The following ACADVL variants were observed in gnomAD, a reference collection of about 807,000 sequenced individuals.
ACADVL encodes the protein very long-chain acyl-CoA dehydrogenase, mitochondrial.
In ACADVL, 73 loss-of-function variants were observed where a neutral mutation model predicts 80.4. The ratio of observed to expected loss-of-function variants is 0.91; its 90% CI spans 0.75 to 1.10. The LOEUF (loss-of-function observed/expected upper bound fraction) is 1.10. Among genes scored for constraint, ACADVL ranks in the 50% least tolerant of loss-of-function variants. The probability of loss-of-function intolerance (pLI) is 0.00; values close to 1 mark genes in which losing one functional copy is unlikely to be tolerated. For missense variants in ACADVL, 878 were observed against 858.9 expected (o/e 1.02, Z -0.28); for synonymous variants, 392 against 326.5 (o/e 1.20, Z -2.16).
chr17:7,220,433 C>T (rs755889997), intron 2 of ACADVL, 31 bp from the exon 3 acceptor site: 2 of 1,613,810 alleles, frequency 1.2e-6, no homozygotes, highest in Non-Finnish European at 1.7e-6. Context: ...GAAGTCCCTT[C>T]CCTGAACTTG....
intron 6 of ACADVL, 96 bp downstream of exon 6, chr17:7,221,154 C>T: frequency 1.3e-6 from 2 of 1,589,596 alleles, no homozygotes; most frequent in South Asian, 1.1e-5. Flanking sequence ...GCTAAGGTCT[C>T]TTCTAAGCAC....
intron 2 of ACADVL, 111 bp downstream of exon 2, chr17:7,220,308 G>C: frequency 6.6e-7 from 1 of 1,504,694 alleles, no homozygotes; most frequent in Non-Finnish European, 9.0e-7. Context: ...CTGCTCAGTC[G>C]CCGAAAGTAG....
chr17:7,219,953 C>T lies in ACADVL; in HGVS notation c.-32C>T. On this transcript the variant is annotated 5_prime_UTR_variant, in exon 1 of 20. Coordinates refer to ENST00000356839, the MANE Select transcript of ACADVL (RefSeq NM_000018.4). Reference sequence around the variant, plus strand: ...GCAGGACGCCAGAGCTGGGTCAGAGCTCGAGCCAGCGGCGCCCGGAGAGAT... The same window carrying T: ...GCAGGACGCCAGAGCTGGGTCAGAGTTCGAGCCAGCGGCGCCCGGAGAGAT... 2 of 1,101,122 alleles carry T rather than the reference C, an allele frequency of 1.8e-6. No homozygotes were observed. The highest frequency in any genetic ancestry group is 1.3e-6 in the Non-Finnish European group (1 of 762,056). 68.2% of individuals were successfully genotyped at this position (1,101,122 alleles called of 1,614,324 possible).
Position 7,223,525 on chromosome 17 carries a change from A to T in ACADVL, c.1183-119A>T, listed in dbSNP as rs1376226107. On this transcript the variant is annotated intron_variant, in intron 11 of 19. Transcript: ENST00000356839. ...GCACCTGATGAACTGACCCAGAACA[A>T]GTATCTGCCTGACCTGACAAGCTAG... 5 of 1,108,864 alleles carry T rather than the reference A, an allele frequency of 4.5e-6. No individual in the cohort carries two copies. In the East Asian group the frequency reaches 1.2e-4, roughly 26 times the overall value. 68.7% of individuals were successfully genotyped at this position (1,108,864 alleles called of 1,614,324 possible). A position where few individuals can be genotyped will look rare whatever the true frequency, so the allele number is the denominator to read the frequency against.
upstream of ACADVL, chr17:7,218,486 G>T (rs569718478): frequency 1.3e-6 from 2 of 1,521,216 alleles, no homozygotes; most frequent in African/African-American, 1.4e-5. Flanking sequence ...AACAGCCCCC[G>T]AAGTTCAGTA....
In ACADVL at chr17:7,224,988, C is replaced by T; in HGVS notation, c.1859C>T (p.Ala620Val). 2 of 1,614,102 alleles carry T rather than the reference C, an allele frequency of 1.2e-6. No individual in the cohort carries two copies. The highest frequency in any genetic ancestry group is 1.7e-5 in the Admixed American group (1 of 60,028). ...GCTCGGATCCGAGAGGGCATGGCCG[C>T]CCTGCAGTCTGACCCCTGGCAGCAA... ...AAARIREGMA[A>V]LQSDPWQQEL... Residue 620 changes from alanine to valine, a missense_variant, in exon 20 of 20, where the codon GCC becomes GTC. Transcript: ENST00000356839.
chr17:7,223,169 A>G lies in ACADVL; in HGVS notation c.1114A>G (p.Lys372Glu). 6.2e-7 allele frequency: 1 copy of G among 1,614,090 alleles called. No homozygotes were observed. Among genetic ancestry groups the G allele is most frequent in the Non-Finnish European group, 8.5e-7 (1 of 1,180,000 alleles). Reference sequence around the variant, plus strand: ...CACTAATCGTACCCAGTTTGGGGAGAAAATTCACAACTTTGGGCTGATCCA... The same window carrying G: ...CACTAATCGTACCCAGTTTGGGGAGGAAATTCACAACTTTGGGCTGATCCA... ...HATNRTQFGE[K>E]IHNFGLIQEK... Residue 372 changes from lysine (K) to glutamate (E), a missense_variant, in exon 11 of 20, where the codon AAA becomes GAA. Lys to Glu is a moderately conservative substitution (Grantham distance 56, BLOSUM62 1). Coordinates refer to ENST00000356839, the MANE Select transcript of ACADVL (RefSeq NM_000018.4).
upstream of ACADVL, chr17:7,219,739 A>G (rs9915319): frequency 7.0e-4 from 1,003 of 1,442,452 alleles, 4 homozygotes; most frequent in African/African-American, 0.013. Context: ...ACTAGACTCT[A>G]GGTCGGACGG....
chr17:7,222,381 C>T, intron 9 of ACADVL, 79 bp downstream of exon 9: 2 of 1,571,792 alleles, frequency 1.3e-6, no homozygotes, highest in East Asian at 2.3e-5. Context: ...TGCAAGTCAC[C>T]CTGGGGACGT....
upstream of ACADVL, chr17:7,219,777 AG>A (rs2071091425): frequency 6.7e-7 from 1 of 1,492,224 alleles, no homozygotes; most frequent in African/African-American, 1.4e-5. Context: ...GGGGGAGACG[AG>A]GGACGCTTGG....
chr17:7,217,505 TA>T (rs1312650114), upstream of ACADVL: 5 of 105,308 alleles, frequency 4.7e-5, no homozygotes, highest in East Asian at 7.9e-4. Flanking sequence ...AGCCCCGGGG[TA>T]GGGGGGGGTC....
At position 7,223,962 on chromosome 17, in the gene ACADVL, T is replaced by C. The variant is rs2071352444; in HGVS notation, c.1333-6T>C. Reference sequence around the variant, plus strand: ...CGGGCATATAATTTGTGTGGCCCTGTGCTAGGAACCTGGAGTAGAGCGTGT... The same window carrying C: ...CGGGCATATAATTTGTGTGGCCCTGCGCTAGGAACCTGGAGTAGAGCGTGT... On this transcript the variant is annotated splice_region_variant and splice_polypyrimidine_tract_variant and intron_variant, in intron 13 of 19. Transcript: ENST00000356839. 1 of 1,613,982 alleles carries C rather than the reference T, an allele frequency of 6.2e-7. No homozygotes were observed.
chr17:7,220,381 C>T (rs1041233613), intron 2 of ACADVL, 83 bp from the exon 3 acceptor site: 210 of 1,597,240 alleles, frequency 1.3e-4, no homozygotes, highest in Non-Finnish European at 1.7e-4. Flanking sequence ...CTTCGCGCCG[C>T]CTCCCCGCGC....
chr17:7,219,892 G>T, upstream of ACADVL: 2 of 1,546,668 alleles, frequency 1.3e-6, no homozygotes, highest in East Asian at 2.4e-5. Flanking sequence ...CACTGTGGAC[G>T]ATGAGTCAGG....
At chr17:7,218,845 G>C (rs993284019), upstream of ACADVL, 14 of 1,613,592 alleles carry the variant, frequency 8.7e-6, no homozygotes, top group Non-Finnish European at 1.2e-5. Context: ...TGGTCTCTGG[G>C]ACATCTCTCT....
Position 7,224,405 on chromosome 17 carries a change from G to A in ACADVL, c.1605+12G>A, listed in dbSNP as rs2071376420. 1 of 1,613,782 alleles carries A rather than the reference G, an allele frequency of 6.2e-7. No homozygotes were observed. On this transcript the variant is annotated intron_variant, in intron 16 of 19. Transcript: ENST00000356839. ...GGAGTGGCGAGCTGGTAAGTGGCCA[G>A]GGGTCCAGGAGAGCCTGCATCAGGG...
Position 7,224,143 on chromosome 17 carries a change from T to C in ACADVL, c.1435-3T>C. On this transcript the variant is annotated splice_polypyrimidine_tract_variant and splice_region_variant and intron_variant, in intron 14 of 19. Coordinates refer to ENST00000356839, the MANE Select transcript of ACADVL (RefSeq NM_000018.4). Reference sequence around the variant, plus strand: ...CTGACTGCTGGACCCTCTTCCCCCATAGGACAAAGGAAAGGAGCTCTCTGG... The same window carrying C: ...CTGACTGCTGGACCCTCTTCCCCCACAGGACAAAGGAAAGGAGCTCTCTGG... 4 of 1,613,916 alleles carry C rather than the reference T, an allele frequency of 2.5e-6. No homozygotes were observed. Among genetic ancestry groups the C allele is most frequent in the Non-Finnish European group, 3.4e-6 (4 of 1,179,952 alleles).
Position 7,225,202 on chromosome 17 carries a change from C to A in ACADVL, c.*105C>A. ...TTGTCCCGAAGGGGCCTAGTGTTCCCAGCACTGTGCCTGCTCTCAAGAGCA... is the reference window on the plus strand; with the variant it reads ...TTGTCCCGAAGGGGCCTAGTGTTCCAAGCACTGTGCCTGCTCTCAAGAGCA... On this transcript the variant is annotated 3_prime_UTR_variant, in exon 20 of 20. Transcript: ENST00000356839. 6.7e-7 allele frequency: 1 copy of A among 1,500,584 alleles called. No individual in the cohort carries two copies. The highest frequency in any genetic ancestry group is 9.2e-7 in the Non-Finnish European group (1 of 1,088,636). The allele number at this position is 1,500,584 out of a possible 1,614,324, so 93.0% of individuals were successfully genotyped here.
Position 7,224,214 on chromosome 17 carries a change from GC to G in ACADVL, c.1504del (p.Leu502Ter). ...ATCCCTTTGGGAATGCTGGCCTCCT[GC>G]TAGGAGAGGCAGGCAAACAGCTGAG... ...KNPFGNAGLL[L>X]GEAGKQLRRR... On this transcript the variant is annotated frameshift_variant, in exon 15 of 20. Transcript: ENST00000356839. LOFTEE classifies it high-confidence loss of function. 6.2e-7 allele frequency: 1 copy of G among 1,614,044 alleles called. No homozygotes were observed. Among genetic ancestry groups the G allele is most frequent in the Non-Finnish European group, 8.5e-7 (1 of 1,180,022 alleles).
Sources: gnomAD v4.1 joint callset for allele counts on GRCh38, gnomAD v4.1.1 for gene constraint, MANE v1.5 for transcripts, NCBI Gene and HGNC (gene_info 2026-07-23, HGNC 2026-07-21) for gene names.